MTG1: variants seen among roughly 807,000 people sequenced by gnomAD.
MTG1 encodes the protein mitochondrial ribosome associated GTPase 1.
A neutral mutation model predicts 39.5 loss-of-function variants in MTG1; 30 were observed. That is an observed-to-expected ratio of 0.76 (90% CI 0.57 to 1.03). The LOEUF (loss-of-function observed/expected upper bound fraction) is 1.03. MTG1 is among the 50% of genes least tolerant of loss of function. The pLI, the probability that MTG1 is intolerant of heterozygous loss-of-function variation, is 0.00. For synonymous variants in MTG1, 217 were observed against 179.0 expected (o/e 1.21, Z -1.69); for missense variants, 513 against 447.4 (o/e 1.15, Z -1.32).
At chr10:133,418,154 CCACCA>C (rs1850163876) in intron 9 of MTG1, among the ~76,000 whole-genome samples, 1 of 152,214 alleles carries the variant, frequency 6.6e-6, no homozygotes, top group Admixed American at 6.5e-5. Context: ...CAAGCATGTG[CCACCA>C]CACCTGGCTA....
rs35859911 is a variant in MTG1, at chr10:133,397,779, G to GTTTTTTTTTTTTTTTTT, written c.283-640_283-639insTTTTTTTTTTTTTTTTT. On this transcript the variant is annotated intron_variant, in intron 3 of 10. Transcript: ENST00000317502. Reference sequence around the variant, plus strand: ...AGGCGTGAGTCACTGCGTCCAGCCTGTTTTTTTTTTTTTTTTAAATCATCG... The same window carrying GTTTTTTTTTTTTTTTTT: ...AGGCGTGAGTCACTGCGTCCAGCCTGTTTTTTTTTTTTTTTTTTTTTTTTTTTTTTTTTAAATCATCG... 1.1e-3 allele frequency among the ~76,000 whole-genome samples: 155 copies of GTTTTTTTTTTTTTTTTT among 139,444 alleles called. 6 individuals carry two copies. Among genetic ancestry groups the GTTTTTTTTTTTTTTTTT allele is most frequent in the African/African-American group, 3.5e-3 (128 of 36,628 alleles). 91.5% of individuals were successfully genotyped at this position (139,444 alleles called of 152,430 possible). A position where few individuals can be genotyped will look rare whatever the true frequency, so the allele number is the denominator to read the frequency against.
Position 133,420,301 on chromosome 10 carries a change from C to T in MTG1, c.*136C>T, listed in dbSNP as rs139643349. 1,842 of 1,072,078 alleles carry T rather than the reference C, an allele frequency of 1.7e-3. 13 individuals carry two copies. The African/African-American group carries it at 0.021, about 12-fold the overall frequency. The allele number at this position is 1,072,078 out of a possible 1,614,324, so 66.4% of individuals were successfully genotyped here. A position where few individuals can be genotyped will look rare whatever the true frequency, so the allele number is the denominator to read the frequency against. On this transcript the variant is annotated 3_prime_UTR_variant, in exon 11 of 11. Transcript: ENST00000317502. ...GGGTGCTGTGCTCTCTGGCGCCCCA[C>T]AGCCTGGCCAGCTCCAGGGACCCCA...
intron 9 of MTG1, among the ~76,000 whole-genome samples, chr10:133,415,070 G>A (rs1360843868): frequency 6.6e-6 from 1 of 152,212 alleles, no homozygotes; most frequent in Non-Finnish European, 1.5e-5. Context: ...GCAGGCTGAG[G>A]CAGGAGAATC....
At chr10:133,418,761 T>C (rs1850175049) in intron 9 of MTG1, among the ~76,000 whole-genome samples, 1 of 152,086 alleles carries the variant, frequency 6.6e-6, no homozygotes, top group African/African-American at 2.4e-5. Flanking sequence ...CCCCTGGCTG[T>C]CAGGAAGGTT....
rs1445583588 is a variant in MTG1, at chr10:133,401,534, G to A, written c.517G>A (p.Ala173Thr). ...CTTTTCTCCTTTTCCTACAGGGAAA[G>A]CCACCAGGGTGGGTGGCGAGCCTGG... ...LRRQHLRKGK[A>T]TRVGGEPGIT... Residue 173 changes from alanine (A) to threonine (T), a missense_variant, in exon 7 of 11, where the codon GCC becomes ACC. By Grantham distance (58) the Ala-to-Thr change is moderately conservative. Coordinates refer to ENST00000317502, the MANE Select transcript of MTG1 (RefSeq NM_138384.4). The A allele has an allele frequency of 1.5e-5, 23 of 1,573,240 alleles. No homozygotes were observed. Among genetic ancestry groups the A allele is most frequent in the Non-Finnish European group, 2.0e-5 (23 of 1,159,514 alleles).
chr10:133,407,534 A>G (rs890469085), intron 9 of MTG1, among the ~76,000 whole-genome samples: 1 of 146,372 alleles, frequency 6.8e-6, no homozygotes, highest in African/African-American at 2.5e-5. Context: ...GGTATTTTAT[A>G]TTTTTGTAAC....
chr10:133,418,546 A>C (rs1850171115), intron 9 of MTG1, among the ~76,000 whole-genome samples: 1 of 151,960 alleles, frequency 6.6e-6, no homozygotes, highest in Non-Finnish European at 1.5e-5. Flanking sequence ...TTCAGAGCTC[A>C]TGCTTGGTGC....
At chr10:133,412,794 G>A (rs1322736477) in intron 9 of MTG1, among the ~76,000 whole-genome samples, 3 of 152,200 alleles carry the variant, frequency 2.0e-5, no homozygotes, top group Admixed American at 6.5e-5. Context: ...ACTTTCTGTT[G>A]TCTTTGTTTT....
intron 3 of MTG1, 21 bp downstream of exon 3, chr10:133,396,288 C>T (rs775419072): frequency 1.3e-5 from 20 of 1,592,244 alleles, no homozygotes; most frequent in African/African-American, 2.7e-5. Flanking sequence ...TTCTCTCAGA[C>T]GCCTTCAGCA....
intron 9 of MTG1, among the ~76,000 whole-genome samples, chr10:133,411,144 T>C (rs1240550041): frequency 6.6e-6 from 1 of 152,220 alleles, no homozygotes; most frequent in Non-Finnish European, 1.5e-5. Flanking sequence ...TTCTTGAAAG[T>C]TGGGTCTGAT....
intron 9 of MTG1, among the ~76,000 whole-genome samples, chr10:133,414,615 C>T (rs1013784968): frequency 3.3e-5 from 5 of 150,746 alleles, no homozygotes; most frequent in Admixed American, 6.6e-5. Flanking sequence ...GGATGGCGGC[C>T]GGGAAGAGGC....
intron 6 of MTG1, chr10:133,401,325 C>T (rs1264459876): frequency 6.1e-6 from 3 of 495,412 alleles, no homozygotes; most frequent in Non-Finnish European, 1.1e-5. Flanking sequence ...AAATTATAGC[C>T]TTGGGAAGCT....
chr10:133,396,791 C>T (rs1052810787), intron 3 of MTG1, among the ~76,000 whole-genome samples: 1 of 152,178 alleles, frequency 6.6e-6, no homozygotes, highest in Non-Finnish European at 1.5e-5. Flanking sequence ...GCTGAGGGGA[C>T]ATAGTGAGAC....
chr10:133,404,081 T>C (rs1383309827), intron 9 of MTG1, among the ~76,000 whole-genome samples: 1 of 27,970 alleles, frequency 3.6e-5, no homozygotes, highest in Non-Finnish European at 1.4e-4. Flanking sequence ...CTTTTCCCTT[T>C]TTTTTTTTTT....
chr10:133,416,416 A>G (rs1395927932), intron 9 of MTG1, among the ~76,000 whole-genome samples: 1 of 150,124 alleles, frequency 6.7e-6, no homozygotes, highest in Admixed American at 6.6e-5. Context: ...TTTTATTATT[A>G]TTATACTTTA....
chr10:133,397,726 C>G (rs1365916756), intron 3 of MTG1, among the ~76,000 whole-genome samples: 1 of 151,690 alleles, frequency 6.6e-6, no homozygotes, highest in South Asian at 2.1e-4. Flanking sequence ...GATCCGCCCG[C>G]CTCGGCCTCC....
At chr10:133,412,586 G>C (rs989154216) in intron 9 of MTG1, among the ~76,000 whole-genome samples, 1 of 152,118 alleles carries the variant, frequency 6.6e-6, no homozygotes, top group African/African-American at 2.4e-5. Context: ...GGTTTTTTTA[G>C]TATTTGAGAT....
At position 133,399,510 on chromosome 10, in the gene MTG1, CCT is replaced by C. The variant is rs758997077; in HGVS notation, c.421-12_421-11del. The C allele has an allele frequency of 9.9e-6, 16 of 1,612,382 alleles. No individual in the cohort carries two copies. Among genetic ancestry groups the C allele is most frequent in the Middle Eastern group, 1.7e-4 (1 of 6,060 alleles). ...AGCGGCCACGGTGGGCCCTGTGACCCCTCTCTCTGCCTGCGCAGAACCTGGAG... is the reference window on the plus strand; with the variant it reads ...AGCGGCCACGGTGGGCCCTGTGACCCCTCTCTGCCTGCGCAGAACCTGGAG... On this transcript the variant is annotated splice_polypyrimidine_tract_variant and intron_variant, in intron 5 of 10. Coordinates refer to ENST00000317502, the MANE Select transcript of MTG1 (RefSeq NM_138384.4).
intron 9 of MTG1, among the ~76,000 whole-genome samples, chr10:133,403,405 G>A (rs548130426): frequency 2.8e-4 from 42 of 150,506 alleles, no homozygotes; most frequent in Non-Finnish European, 3.9e-4. Context: ...GAGCGTTCCC[G>A]TCACCCCCAG....
Sources: allele counts gnomAD v4.1 joint callset (sites outside exome capture counted in the v4.1 genomes callset), GRCh38; gene constraint gnomAD v4.1.1; transcripts MANE v1.5; gene names NCBI Gene and HGNC (gene_info 2026-07-23, HGNC 2026-07-21).